WWTR1: variants seen among roughly 807,000 people sequenced by gnomAD.
WWTR1 encodes the protein WW domain containing transcription regulator 1, also known as WW domain-containing transcription regulator protein 1.
In WWTR1, 13 loss-of-function variants were observed where a neutral mutation model predicts 40.1. That is an observed-to-expected ratio of 0.32 (90% CI 0.21 to 0.52). The LOEUF is 0.52. Among genes scored for constraint, WWTR1 ranks in the 20% least tolerant of loss-of-function variants. The pLI, the probability that WWTR1 is intolerant of heterozygous loss-of-function variation, is 0.97. For synonymous variants in WWTR1, 230 were observed against 210.1 expected (o/e 1.09, Z -0.82); for missense variants, 436 against 523.1 (o/e 0.83, Z 1.63).
At chr3:149,558,286 T>TAA (rs958759387) in intron 3 of WWTR1, among the ~76,000 whole-genome samples, 2 of 147,940 alleles carry the variant, frequency 1.4e-5, no homozygotes, top group South Asian at 2.1e-4. Context: ...GTAAATAAAT[T>TAA]AAAAAAAAAA....
At chr3:149,654,947 C>T (rs1713109544) in intron 2 of WWTR1, among the ~76,000 whole-genome samples, 1 of 149,126 alleles carries the variant, frequency 6.7e-6, no homozygotes, top group Admixed American at 6.7e-5. Context: ...CATGTTGAAA[C>T]CCCGTCTCTA....
chr3:149,691,898 C>T (rs1714838100), intron 1 of WWTR1, among the ~76,000 whole-genome samples: 1 of 152,060 alleles, frequency 6.6e-6, no homozygotes, highest in African/African-American at 2.4e-5. Flanking sequence ...CGCCTGTAGT[C>T]CCAGCTCCTC....
In WWTR1 at chr3:149,595,024, C is replaced by T. The variant is rs141712477; in HGVS notation, c.432-22024G>A. ...GTTGCCAGGCTGGAGTGCAGTGGCG[C>T]GATCTTGGCTCACTGCAACCTCTGC... On this transcript the variant is annotated intron_variant, in intron 2 of 6. Transcript: ENST00000360632. 0.026 allele frequency among the ~76,000 whole-genome samples: 3,294 copies of T among 127,686 alleles called. 255 individuals carry two copies. The East Asian group carries it at 0.3, about 12-fold the overall frequency. 83.8% of individuals were successfully genotyped at this position (127,686 alleles called of 152,430 possible). A position where few individuals can be genotyped will look rare whatever the true frequency, so the allele number is the denominator to read the frequency against.
At chr3:149,531,044 T>C (rs1735551968) in intron 4 of WWTR1, among the ~76,000 whole-genome samples, 1 of 152,070 alleles carries the variant, frequency 6.6e-6, no homozygotes, top group Non-Finnish European at 1.5e-5. Flanking sequence ...AAGCAAGTCT[T>C]GTGCCTCAGC....
At chr3:149,593,870 T>G (rs1311986970) in intron 2 of WWTR1, among the ~76,000 whole-genome samples, 1 of 152,216 alleles carries the variant, frequency 6.6e-6, no homozygotes, top group African/African-American at 2.4e-5. Flanking sequence ...TATACATATT[T>G]TGTATGGCTT....
chr3:149,548,479 TTTAG>T (rs1736471832), intron 3 of WWTR1, among the ~76,000 whole-genome samples: 1 of 152,188 alleles, frequency 6.6e-6, no homozygotes, highest in African/African-American at 2.4e-5. Context: ...TAAAATAGGT[TTTAG>T]TTACACACAT....
chr3:149,531,298 G>T (rs994762111), intron 4 of WWTR1, among the ~76,000 whole-genome samples: 3 of 152,174 alleles, frequency 2.0e-5, no homozygotes, highest in Admixed American at 2.0e-4. Flanking sequence ...TTTATAATAG[G>T]ACACTTTGTC....
intron 1 of WWTR1, among the ~76,000 whole-genome samples, chr3:149,670,342 T>A (rs989821058): frequency 6.6e-6 from 1 of 152,154 alleles, no homozygotes; most frequent in Non-Finnish European, 1.5e-5. Context: ...CCTTTCCTCC[T>A]CAGGGGAATC....
At chr3:149,591,950 A>G (rs1392822252) in intron 2 of WWTR1, among the ~76,000 whole-genome samples, 1 of 152,182 alleles carries the variant, frequency 6.6e-6, no homozygotes, top group African/African-American at 2.4e-5. Flanking sequence ...AAAGGGAGAG[A>G]CACTTCTGAT....
chr3:149,549,630 G>A (rs904804770), intron 3 of WWTR1, among the ~76,000 whole-genome samples: 4 of 152,138 alleles, frequency 2.6e-5, no homozygotes, highest in Admixed American at 2.0e-4. Context: ...TGGAAGCCAG[G>A]AGTTCAAGAC....
chr3:149,543,033 A>G (rs1032139243), intron 3 of WWTR1, among the ~76,000 whole-genome samples: 2 of 152,234 alleles, frequency 1.3e-5, no homozygotes. Context: ...AGGAGCCGAC[A>G]TATAAGGAGG....
intron 2 of WWTR1, among the ~76,000 whole-genome samples, chr3:149,602,354 A>C (rs1008820097): frequency 3.3e-5 from 5 of 152,204 alleles, no homozygotes; most frequent in African/African-American, 1.2e-4. Context: ...ATTTGGATTA[A>C]AGAATAAGCA....
chr3:149,658,310 T>C (rs2108168214), upstream of WWTR1: 1 of 152,516 alleles, frequency 6.6e-6, no homozygotes, highest in African/African-American at 2.4e-5. Context: ...TACCACGGAC[T>C]TGGGGCGGGA....
In WWTR1 at chr3:149,615,711, T is replaced by C. The variant is rs1301598216; in HGVS notation, c.431+41165A>G. Among the ~76,000 whole-genome samples, 4 of 152,348 alleles carry C rather than the reference T, an allele frequency of 2.6e-5. No individual in the cohort carries two copies. The East Asian group carries it at 7.7e-4, about 29-fold the overall frequency. On this transcript the variant is annotated intron_variant, in intron 2 of 6. Coordinates refer to ENST00000360632, the MANE Select transcript of WWTR1 (RefSeq NM_015472.6). ...GACATGCCTGTTCAGTTGGTATTAT[T>C]GGTCTCATTTGATATCTGAGGAAAC...
rs1296819855 is a variant in WWTR1 at position 149,657,875 on chromosome 3, G to C, written c.-114C>G. The C allele has an allele frequency of 1.3e-5, 2 of 153,310 alleles. No individual in the cohort carries two copies. Among genetic ancestry groups the C allele is most frequent in the African/African-American group, 4.8e-5 (2 of 41,584 alleles). 9.5% of individuals were successfully genotyped at this position (153,310 alleles called of 1,614,324 possible). ...GTCCCGAGATTGCGGAGCTGGAGCC[G>C]AGGCTTGGCTGACAAATCCCGACCC... On this transcript the variant is annotated 5_prime_UTR_variant, in exon 1 of 7. Coordinates refer to ENST00000360632, the MANE Select transcript of WWTR1 (RefSeq NM_015472.6).
chr3:149,700,459 C>T (rs1715134490), intron 1 of WWTR1, among the ~76,000 whole-genome samples: 1 of 152,134 alleles, frequency 6.6e-6, no homozygotes, highest in African/African-American at 2.4e-5. Context: ...AGCTCCACTA[C>T]TAATTAGTTA....
At position 149,520,823 on chromosome 3, in the gene WWTR1, G is replaced by C. The variant is rs745721581; in HGVS notation, c.1185C>G (p.Pro395=). 6.3e-6 allele frequency: 10 copies of C among 1,599,630 alleles called. No homozygotes were observed. Among genetic ancestry groups the C allele is most frequent in the Admixed American group, 1.8e-5 (1 of 56,896 alleles). ...DVESALNKSE[P]FLTWL ...GTAGTGATTACAGCCAGGTTAGAAA[G>C]GGCTCACTTTTGTTCAGAGCAGACT... The change falls in exon 7 of 7, where the codon CCC becomes CCG. Residue 395 remains proline, a synonymous_variant. Transcript: ENST00000360632.
chr3:149,521,111 C>T, intron 6 of WWTR1, 122 bp from the exon 7 acceptor site: 1 of 1,171,094 alleles, frequency 8.5e-7, no homozygotes. Context: ...TTGACCCTTA[C>T]TCATAAGAGG....
At chr3:149,589,646 G>A (rs928412559) in intron 2 of WWTR1, among the ~76,000 whole-genome samples, 1 of 145,174 alleles carries the variant, frequency 6.9e-6, no homozygotes, top group South Asian at 2.2e-4. Context: ...CTTTCCATGA[G>A]TTTTTTTTTT....
Sources: allele counts gnomAD v4.1 joint callset (sites outside exome capture counted in the v4.1 genomes callset), GRCh38; gene constraint gnomAD v4.1.1; transcripts MANE v1.5; gene names NCBI Gene and HGNC (gene_info 2026-07-23, HGNC 2026-07-21).